TPRX1: variants seen among roughly 807,000 people sequenced by gnomAD.
TPRX1 encodes tetra-peptide repeat homeobox protein 1.
A neutral mutation model predicts 8.1 loss-of-function variants in TPRX1; 2 were observed. The observed-to-expected ratio is 0.25, with a 90% CI of 0.10 to 0.78. The LOEUF (loss-of-function observed/expected upper bound fraction) is 0.78, where lower values mean the gene tolerates loss of function less well. TPRX1 is among the 30% of genes least tolerant of loss of function. TPRX1 has a pLI of 0.70. For synonymous variants in TPRX1, 257 were observed against 254.1 expected, an observed-to-expected ratio of 1.01 and a Z score of -0.11; for missense variants, 517 against 586.9, an observed-to-expected ratio of 0.88 and a Z score of 1.23.
chr19:47,809,899 C>G (rs1200543821), intron 2 of TPRX1, among the ~76,000 whole-genome samples: 1 of 151,880 alleles, frequency 6.6e-6, no homozygotes, highest in Admixed American at 6.6e-5. Flanking sequence ...CTTCTGAAGC[C>G]TGGGGCAAGA....
At chr19:47,818,130 TG>T (rs1181786002) in intron 2 of TPRX1, among the ~76,000 whole-genome samples, 1 of 152,216 alleles carries the variant, frequency 6.6e-6, no homozygotes, top group Non-Finnish European at 1.5e-5. Flanking sequence ...TTGGTCCTTT[TG>T]GGAAAACATC....
intron 2 of TPRX1, among the ~76,000 whole-genome samples, chr19:47,805,366 G>A (rs930651696): frequency 6.6e-5 from 10 of 152,128 alleles, no homozygotes; most frequent in African/African-American, 2.2e-4. Context: ...CCCATGGACC[G>A]CTGCTGGTCT....
At chr19:47,802,008 G>A in exon 4 of TPRX1, 1 of 1,612,906 alleles carries the variant, frequency 6.2e-7, no homozygotes, top group East Asian at 2.2e-5. Flanking sequence ...GGGCTCTGAG[G>A]CCATAAGGGG....
chr19:47,808,214 A>T (rs1344504770), intron 2 of TPRX1, among the ~76,000 whole-genome samples: 1 of 152,100 alleles, frequency 6.6e-6, no homozygotes. Context: ...TCCCAGGTTC[A>T]AGCAATTCTC....
chr19:47,805,048 C>T (rs1967722971), intron 2 of TPRX1, among the ~76,000 whole-genome samples: 1 of 152,206 alleles, frequency 6.6e-6, no homozygotes, highest in African/African-American at 2.4e-5. Flanking sequence ...TCTTTGGTAC[C>T]TCAAGGCCAC....
intron 2 of TPRX1, among the ~76,000 whole-genome samples, chr19:47,815,296 A>C (rs1485509173): frequency 6.8e-6 from 1 of 146,768 alleles, no homozygotes; most frequent in African/African-American, 2.5e-5. Context: ...TTGGGATTAC[A>C]GGCGTGCAAC....
chr19:47,813,156 A>ACC (rs1599955787), intron 2 of TPRX1, among the ~76,000 whole-genome samples: 2 of 126,298 alleles, frequency 1.6e-5, no homozygotes, highest in African/African-American at 6.3e-5. Context: ...TAAATAAAAC[A>ACC]ACCCCCCCCA....
exon 4 of TPRX1, chr19:47,802,809 G>T: frequency 6.2e-7 from 1 of 1,601,686 alleles, no homozygotes; most frequent in Middle Eastern, 1.7e-4. Context: ...CAGATCGTGG[G>T]TTCCGCCGCT....
rs565480649 is a variant in TPRX1 at position 47,814,060 on chromosome 19, AT to A, written c.151+4407del. Among the ~76,000 whole-genome samples the A allele has an allele frequency of 1.4e-3, 191 of 139,446 alleles. 1 individual carries two copies. Among genetic ancestry groups the A allele is most frequent in the Middle Eastern group, 7.7e-3 (2 of 260 alleles). 91.5% of individuals were successfully genotyped at this position (139,446 alleles called of 152,430 possible). A position where few individuals can be genotyped will look rare whatever the true frequency, so the allele number is the denominator to read the frequency against. ...GGTTAGAAGGGTGCCAACATTGCTGATTTTTTTTTTTTTTGAGACAGAGTCC... is the reference window on the plus strand; with the variant it reads ...GGTTAGAAGGGTGCCAACATTGCTGATTTTTTTTTTTTTGAGACAGAGTCC... On this transcript the variant is annotated intron_variant, in intron 2 of 3. Transcript: ENST00000535759.
At chr19:47,802,969 C>T in exon 4 of TPRX1, 1 of 1,552,640 alleles carries the variant, frequency 6.4e-7, no homozygotes, top group Non-Finnish European at 8.6e-7. Flanking sequence ...CGCGGCGATT[C>T]TTGAACCACA....
chr19:47,805,136 C>T (rs1030710750), intron 2 of TPRX1, among the ~76,000 whole-genome samples: 7 of 152,188 alleles, frequency 4.6e-5, no homozygotes, highest in Non-Finnish European at 1.0e-4. Flanking sequence ...CACATTGGCC[C>T]TGCTGATAAT....
intron 2 of TPRX1, among the ~76,000 whole-genome samples, chr19:47,811,802 C>T (rs1032154905): frequency 1.3e-5 from 2 of 148,566 alleles, no homozygotes; most frequent in African/African-American, 2.5e-5. Context: ...CGGCTAATGG[C>T]AACTTCACAG....
chr19:47,804,963 C>T (rs979431286), intron 2 of TPRX1, among the ~76,000 whole-genome samples: 12 of 152,200 alleles, frequency 7.9e-5, no homozygotes, highest in African/African-American at 2.9e-4. Flanking sequence ...GTGAGTCTAC[C>T]CACTCCTCCT....
chr19:47,813,211 C>A (rs1445311825), intron 2 of TPRX1, among the ~76,000 whole-genome samples: 1 of 151,222 alleles, frequency 6.6e-6, no homozygotes, highest in Non-Finnish European at 1.5e-5. Context: ...CCTGTAGTCC[C>A]AGCTACTTGG....
At chr19:47,802,060 G>C in exon 4 of TPRX1, 1 of 1,603,992 alleles carries the variant, frequency 6.2e-7, no homozygotes. Flanking sequence ...TTGGAGCTGG[G>C]ACTGAGCCTG....
chr19:47,815,133 TATATATATATGCAAATA>T (rs1967824263), intron 2 of TPRX1, among the ~76,000 whole-genome samples: 1 of 114,014 alleles, frequency 8.8e-6, no homozygotes, highest in African/African-American at 3.4e-5. Flanking sequence ...TATATATATA[TATATATATATGCAAATA>T]TATATATATA....
At chr19:47,813,954 G>A (rs1409027423) in intron 2 of TPRX1, among the ~76,000 whole-genome samples, 1 of 150,952 alleles carries the variant, frequency 6.6e-6, no homozygotes, top group East Asian at 2.0e-4. Flanking sequence ...GCGTGGTGGG[G>A]GCGGGGTGGG....
In TPRX1 at chr19:47,801,777, A is replaced by G. The variant is rs751608246; in HGVS notation, c.1525T>C (p.Ter509GlnextTer27). The change falls in exon 4 of 4, where the codon TAG (stop) becomes CAG (glutamine). Residue 509 changes from the stop codon to glutamine (Q), a stop_lost. Transcript: ENST00000535759. The stretch of plus-strand genomic sequence containing the variant: ...AGAACTTTGCAGGCACAGGCCCCCT[A>G]TAAATCCAGTAATAACCTGGGGCCT... 18 of 1,610,304 alleles carry G rather than the reference A, an allele frequency of 1.1e-5. No homozygotes were observed. The East Asian group carries it at 4.0e-4, about 36-fold the overall frequency.
At chr19:47,816,406 C>T (rs1400509078) in intron 2 of TPRX1, among the ~76,000 whole-genome samples, 1 of 150,278 alleles carries the variant, frequency 6.7e-6, no homozygotes, top group Non-Finnish European at 1.5e-5. Context: ...TTTTGGCCTC[C>T]TTCCCCTCCT....
Sources: gnomAD v4.1 joint callset for allele counts (sites outside exome capture counted in the v4.1 genomes callset) on GRCh38, gnomAD v4.1.1 for gene constraint, MANE v1.5 for transcripts, NCBI Gene and HGNC (gene_info 2026-07-23, HGNC 2026-07-21) for gene names.